MKNK1: variants seen among roughly 807,000 people sequenced by gnomAD.
MKNK1 encodes the protein MAP kinase-interacting serine/threonine-protein kinase 1.
Under a neutral mutation model 49.3 loss-of-function variants are expected in MKNK1, and 30 were observed. The observed-to-expected ratio is 0.61, with a 90% CI of 0.46 to 0.83. The LOEUF (loss-of-function observed/expected upper bound fraction) is 0.83, where lower values mean the gene tolerates loss of function less well. Among genes scored for constraint, MKNK1 ranks in the 40% least tolerant of loss-of-function variants. The pLI, the probability that MKNK1 is intolerant of heterozygous loss-of-function variation, is 0.00. For synonymous variants in MKNK1, 176 were observed against 201.7 expected (o/e 0.87, Z 1.08); for missense variants, 423 against 524.7 (o/e 0.81, Z 1.89).
chr1:46,562,719 T>C lies in MKNK1; in HGVS notation c.734A>G (p.Tyr245Cys). Reference sequence around the variant, plus strand: ...CCCGCAGTGACCCACGAAGGGTGGGTAGCCACTCAGCATGATGTAGAGGAC... The same window carrying C: ...CCCGCAGTGACCCACGAAGGGTGGGCAGCCACTCAGCATGATGTAGAGGAC... ...GVVLYIMLSG[Y>C]PPFVGHCGAD... is the part of the protein sequence containing the mutation. The change falls in exon 10 of 13, where the codon TAC (tyrosine) becomes TGC (cysteine). Residue 245 changes from tyrosine to cysteine, a missense_variant. Coordinates refer to ENST00000371945, the MANE Select transcript of MKNK1 (RefSeq NM_001135553.4). The C allele has an allele frequency of 6.9e-6, 11 of 1,591,612 alleles. No individual in the cohort carries two copies. Among genetic ancestry groups the C allele is most frequent in the East Asian group, 2.3e-5 (1 of 44,140 alleles).
rs1471876594 is a variant in MKNK1 at position 46,557,982 on chromosome 1, GATT to G, written c.*590_*592del. On this transcript the variant is annotated 3_prime_UTR_variant, in exon 13 of 13. Coordinates refer to ENST00000371945, the MANE Select transcript of MKNK1 (RefSeq NM_001135553.4). ...ATACATTTCAGTCACAGCAAAGAAA[GATT>G]ATGTGCTTTTCCGTGCTGCAGACCG... is the stretch of plus-strand genomic sequence containing the variant. 6.5e-6 allele frequency: 1 copy of G among 152,730 alleles called. No homozygotes were observed. Among genetic ancestry groups the G allele is most frequent in the Non-Finnish European group, 1.5e-5 (1 of 68,148 alleles). 9.5% of individuals were successfully genotyped at this position (152,730 alleles called of 1,614,324 possible). A position where few individuals can be genotyped will look rare whatever the true frequency, so the allele number is the denominator to read the frequency against.
At chr1:46,570,133 A>G (rs1008294587) in intron 7 of MKNK1, 2 of 152,202 alleles carry the variant, frequency 1.3e-5, no homozygotes, top group African/African-American at 4.8e-5. Context: ...TTCTAGTCAC[A>G]TGGGCAGCTG....
chr1:46,580,455 A>G, intron 4 of MKNK1, 75 bp downstream of exon 4: 1 of 1,022,434 alleles, frequency 9.8e-7, no homozygotes. Flanking sequence ...ATGGAATATA[A>G]CATTTATTTG....
intron 7 of MKNK1, chr1:46,571,637 A>G (rs952274318): frequency 2.8e-6 from 1 of 359,082 alleles, no homozygotes; most frequent in Middle Eastern, 3.8e-4. Flanking sequence ...AATTTTGAAA[A>G]GAGACAGAGG....
At chr1:46,570,577 G>A (rs535766444) in intron 7 of MKNK1, among the ~76,000 whole-genome samples, 1 of 152,252 alleles carries the variant, frequency 6.6e-6, no homozygotes, top group African/African-American at 2.4e-5. Flanking sequence ...TGGGCACCAG[G>A]TGGGATGTGT....
intron 6 of MKNK1, among the ~76,000 whole-genome samples, chr1:46,572,750 T>C (rs1002110875): frequency 1.4e-4 from 21 of 152,158 alleles, no homozygotes; most frequent in Admixed American, 6.5e-4. Flanking sequence ...AAAACACTAA[T>C]GATGCTGAGG....
rs1391247345 is a variant in MKNK1, at chr1:46,574,643, GTAGT to G, written c.352+300_352+303del. The G allele has an allele frequency of 4.0e-5, 11 of 273,008 alleles. No individual in the cohort carries two copies. In the East Asian group the frequency reaches 7.2e-4, roughly 18 times the overall value. 16.9% of individuals were successfully genotyped at this position (273,008 alleles called of 1,614,324 possible). A position where few individuals can be genotyped will look rare whatever the true frequency, so the allele number is the denominator to read the frequency against. ...TGAGAGCTTCCACCCCATAATTAAT[GTAGT>G]TAAACAGTGAACATGTCAAAACGGG... On this transcript the variant is annotated intron_variant, in intron 6 of 12. Coordinates refer to ENST00000371945, the MANE Select transcript of MKNK1 (RefSeq NM_001135553.4).
chr1:46,558,442 C>T lies in MKNK1; in HGVS notation c.*133G>A, dbSNP rs1667343996. Reference sequence around the variant, plus strand: ...TGGGGGTTGATGGGAACCTCAGGGCCTTCGTAGATGAAAAAGCCTGAATGG... The same window carrying T: ...TGGGGGTTGATGGGAACCTCAGGGCTTTCGTAGATGAAAAAGCCTGAATGG... On this transcript the variant is annotated 3_prime_UTR_variant, in exon 13 of 13. Transcript: ENST00000371945. 1.1e-6 allele frequency: 1 copy of T among 924,352 alleles called. No homozygotes were observed. The highest frequency in any genetic ancestry group is 1.6e-6 in the Non-Finnish European group (1 of 636,322). 57.3% of individuals were successfully genotyped at this position (924,352 alleles called of 1,614,324 possible).
rs993169252 is a variant in MKNK1 at position 46,566,931 on chromosome 1, T to C, written c.513+1512A>G. 2.0e-4 allele frequency among the ~76,000 whole-genome samples: 30 copies of C among 152,232 alleles called. No homozygotes were observed. The East Asian group carries it at 3.1e-3, about 16-fold the overall frequency. ...CAAATATTTTCTCACATTCTGTAGA[T>C]TGTCTTTTCACTTTCTTGATAGATA... On this transcript the variant is annotated intron_variant, in intron 8 of 12. Transcript: ENST00000371945.
chr1:46,571,312 G>A (rs1037218435), intron 7 of MKNK1: 35 of 227,006 alleles, frequency 1.5e-4, no homozygotes, highest in Non-Finnish European at 5.4e-5. Context: ...GGGAGGTTGA[G>A]GCAGGAGGAT....
At chr1:46,602,241 G>A (rs552712716) in intron 1 of MKNK1, among the ~76,000 whole-genome samples, 23 of 152,200 alleles carry the variant, frequency 1.5e-4, no homozygotes, top group Middle Eastern at 3.4e-3. Flanking sequence ...GCGAAACCCC[G>A]TCTCTACTAA....
At position 46,594,300 on chromosome 1, in the gene MKNK1, A is replaced by G. The variant is rs1354336668; in HGVS notation, c.-170-20T>C. 2.9e-6 allele frequency: 2 copies of G among 694,320 alleles called. No homozygotes were observed. The highest frequency in any genetic ancestry group is 2.2e-5 in the Admixed American group (1 of 46,082). The allele number at this position is 694,320 out of a possible 1,614,324, so 43.0% of individuals were successfully genotyped here. On this transcript the variant is annotated intron_variant, in intron 1 of 12. Transcript: ENST00000371945. ...GGAAACCTTGAAAAAGCAGAAATAG[A>G]AAGGAAATCAAAATGCTGACTTCTT...
chr1:46,583,858 G>A (rs1002215356), intron 2 of MKNK1, among the ~76,000 whole-genome samples: 54 of 152,188 alleles, frequency 3.5e-4, no homozygotes, highest in African/African-American at 1.3e-3. Context: ...ATAGGGCTGG[G>A]GTTCAAAATA....
chr1:46,570,542 C>T (rs970204973), intron 7 of MKNK1, among the ~76,000 whole-genome samples: 3 of 152,190 alleles, frequency 2.0e-5, no homozygotes, highest in African/African-American at 7.2e-5. Context: ...CCTGGACATG[C>T]GCCACACTGG....
intron 2 of MKNK1, among the ~76,000 whole-genome samples, chr1:46,585,249 C>CAAAAA (rs58692301): frequency 1.3e-4 from 8 of 62,126 alleles, no homozygotes; most frequent in East Asian, 5.6e-4. Context: ...GATTCCGTCT[C>CAAAAA]AAAAAAAAAA....
At chr1:46,560,533 A>G (rs1183798169) in intron 11 of MKNK1, among the ~76,000 whole-genome samples, 1 of 152,190 alleles carries the variant, frequency 6.6e-6, no homozygotes, top group Non-Finnish European at 1.5e-5. Flanking sequence ...ATCATCCCCC[A>G]GGACCCAGCT....
rs931821563 is a variant in MKNK1, at chr1:46,572,628, G to C, written c.353-461C>G. ...TGTCCAGCTCCAAGTGTGGGGCCTG[G>C]TACGGAGGAGGTACCAGCTTGTATG... On this transcript the variant is annotated intron_variant, in intron 6 of 12. Coordinates refer to ENST00000371945, the MANE Select transcript of MKNK1 (RefSeq NM_001135553.4). Among the ~76,000 whole-genome samples, 29 of 152,128 alleles carry C rather than the reference G, an allele frequency of 1.9e-4. 1 individual carries two copies. The highest frequency in any genetic ancestry group is 1.0e-4 in the Non-Finnish European group (7 of 68,032).
intron 12 of MKNK1, chr1:46,559,876 T>C: frequency 2.8e-6 from 1 of 361,948 alleles, no homozygotes; most frequent in South Asian, 2.9e-5. Context: ...TGCCCCTCAC[T>C]TCTGCTCCTT....
At chr1:46,583,167 G>C in intron 3 of MKNK1, 61 bp downstream of exon 3, 1 of 1,340,288 alleles carries the variant, frequency 7.5e-7, no homozygotes. Flanking sequence ...GTGGCTCCCG[G>C]GATGCTCCTC....
Sources: allele counts gnomAD v4.1 joint callset (sites outside exome capture counted in the v4.1 genomes callset), GRCh38; gene constraint gnomAD v4.1.1; transcripts MANE v1.5; gene names NCBI Gene and HGNC (gene_info 2026-07-23, HGNC 2026-07-21).